Variants in ENTREP1 observed in about 807,000 individuals in gnomAD.
The protein encoded by ENTREP1 is Friedreich ataxia region gene X123.
the ENTREP1 span, among the ~76,000 whole-genome samples, chr9:69,361,462 T>C: frequency 6.6e-6 from 1 of 152,312 alleles, no homozygotes. Flanking sequence ...TATGCATCCG[T>C]TGTTTGTTTC....
At chr9:69,361,802 G>T in the ENTREP1 span, among the ~76,000 whole-genome samples, 13 of 152,246 alleles carry the variant, frequency 8.5e-5, no homozygotes, top group East Asian at 1.7e-3. Context: ...ATTCTGAAGA[G>T]TAAATCCTGT....
chr9:69,373,160 G>A, the ENTREP1 span, among the ~76,000 whole-genome samples: 2 of 152,126 alleles, frequency 1.3e-5, no homozygotes, highest in Admixed American at 1.3e-4. Context: ...GCCATGAAAA[G>A]TATAAGGCAG....
the ENTREP1 span, among the ~76,000 whole-genome samples, chr9:69,340,670 T>TGTGTGCGC: frequency 7.1e-6 from 1 of 140,478 alleles, no homozygotes; most frequent in African/African-American, 2.7e-5. Flanking sequence ...TGTGTGCGTG[T>TGTGTGCGC]GTGTGTGCAT....
At chr9:69,368,923 T>C in the ENTREP1 span, among the ~76,000 whole-genome samples, 1 of 152,098 alleles carries the variant, frequency 6.6e-6, no homozygotes, top group African/African-American at 2.4e-5. Flanking sequence ...CCATGATGGT[T>C]TGCTGCACCC....
the ENTREP1 span, chr9:69,383,126 A>G: frequency 9.1e-6 from 9 of 985,324 alleles, no homozygotes; most frequent in Non-Finnish European, 1.1e-5. Context: ...AATGTAAGAC[A>G]TAATTGAATT....
chr9:69,335,056 C>T, the ENTREP1 span, among the ~76,000 whole-genome samples: 8 of 152,126 alleles, frequency 5.3e-5, no homozygotes, highest in African/African-American at 1.9e-4. Flanking sequence ...CCACCGCGCC[C>T]AGCCTGTTTT....
At chr9:69,362,936 G>T in the ENTREP1 span, among the ~76,000 whole-genome samples, 1 of 152,120 alleles carries the variant, frequency 6.6e-6, no homozygotes, top group Non-Finnish European at 1.5e-5. Context: ...ACAGCCTATT[G>T]TGGGACCTTG....
chr9:69,355,641 T>A, the ENTREP1 span, among the ~76,000 whole-genome samples: 1 of 152,158 alleles, frequency 6.6e-6, no homozygotes, highest in Admixed American at 6.5e-5. Context: ...CTTATCATTG[T>A]CTCTTATGGT....
At chr9:69,368,883 G>A in the ENTREP1 span, among the ~76,000 whole-genome samples, 13 of 151,716 alleles carry the variant, frequency 8.6e-5, no homozygotes, top group African/African-American at 7.3e-5. Flanking sequence ...TGTGCAGAAC[G>A]TGCAGGTTCG....
At chr9:69,340,914 C>T in the ENTREP1 span, among the ~76,000 whole-genome samples, 3 of 152,126 alleles carry the variant, frequency 2.0e-5, no homozygotes, top group African/African-American at 4.8e-5. Context: ...CATCATTCCT[C>T]TTTCATTCTA....
chr9:69,354,254 A>ATTTTTTTTTTT, the ENTREP1 span, among the ~76,000 whole-genome samples: 1 of 105,646 alleles, frequency 9.5e-6, no homozygotes, highest in African/African-American at 3.8e-5. Context: ...CTATTGCAAC[A>ATTTTTTTTTTT]TTTTTTTTTT....
At chr9:69,367,957 A>G in the ENTREP1 span, among the ~76,000 whole-genome samples, 233 of 149,520 alleles carry the variant, frequency 1.6e-3, no homozygotes, top group African/African-American at 4.8e-3. Flanking sequence ...ATTTGTAGCT[A>G]TTGTAAATGG....
chr9:69,346,680 G>A, the ENTREP1 span, among the ~76,000 whole-genome samples: 11 of 152,126 alleles, frequency 7.2e-5, no homozygotes, highest in Non-Finnish European at 1.3e-4. Context: ...AATGAAAACC[G>A]CTAATGGCAT....
the ENTREP1 span, among the ~76,000 whole-genome samples, chr9:69,339,165 G>A: frequency 1.2e-4 from 18 of 152,054 alleles, no homozygotes; most frequent in Non-Finnish European, 2.2e-4. Context: ...GACTACAGGC[G>A]TGTGCCACCA....
the ENTREP1 span, among the ~76,000 whole-genome samples, chr9:69,364,386 A>G: frequency 1.4e-4 from 9 of 65,124 alleles, no homozygotes; most frequent in East Asian, 2.1e-3. Flanking sequence ...ATCCCCTGCA[A>G]TGATTTTTTT....
chr9:69,331,816 G>A, the ENTREP1 span, among the ~76,000 whole-genome samples: 43 of 152,208 alleles, frequency 2.8e-4, no homozygotes, highest in South Asian at 6.8e-3. Context: ...GAGTGAGTAC[G>A]CACAGGTCCA....
chr9:69,377,891 A>C, the ENTREP1 span: 1 of 773,496 alleles, frequency 1.3e-6, no homozygotes, highest in Non-Finnish European at 2.0e-6. Context: ...CGTTAGCCCA[A>C]TGAGTGACAA....
the ENTREP1 span, among the ~76,000 whole-genome samples, chr9:69,372,195 A>G: frequency 2.0e-5 from 3 of 152,192 alleles, no homozygotes; most frequent in African/African-American, 7.2e-5. Flanking sequence ...TATTGTGGTA[A>G]AATACACATA....
At chr9:69,392,059 C>T in the ENTREP1 span, 48 of 530,320 alleles carry the variant, frequency 9.1e-5, no homozygotes, top group South Asian at 1.2e-4. Flanking sequence ...TGCTGGGCCT[C>T]GCAGCATTCC....
Sources: gnomAD v4.1 joint callset for allele counts (sites outside exome capture counted in the v4.1 genomes callset) on GRCh38, gnomAD v4.1.1 for gene constraint, MANE v1.5 for transcripts, NCBI Gene and HGNC (gene_info 2026-07-23, HGNC 2026-07-21) for gene names.